The following CNTN5 variants were observed in gnomAD, a reference collection of about 807,000 sequenced individuals.
CNTN5 encodes the protein contactin 5, also known as contactin-5.
A neutral mutation model predicts 129.1 loss-of-function variants in CNTN5; 77 were observed. The observed-to-expected ratio is 0.60, with a 90% CI of 0.50 to 0.72. The LOEUF (loss-of-function observed/expected upper bound fraction) is 0.72. Ranked by LOEUF, CNTN5 falls within the 30% of genes least tolerant of loss-of-function variation. CNTN5 has a pLI of 0.00. For synonymous variants in CNTN5, 509 were observed against 465.6 expected (o/e 1.09, Z -1.20); for missense variants, 1,478 against 1,328.8 (o/e 1.11, Z -1.75).
chr11:99,965,821 C>T (rs1378767150), intron 8 of CNTN5, among the ~76,000 whole-genome samples: 1 of 152,040 alleles, frequency 6.6e-6, no homozygotes, highest in Admixed American at 6.6e-5. Flanking sequence ...TAAGGACTTG[C>T]TATTCAAAAA....
intron 2 of CNTN5, among the ~76,000 whole-genome samples, chr11:99,424,651 C>T (rs1345597436): frequency 3.3e-5 from 5 of 152,224 alleles, no homozygotes; most frequent in Admixed American, 3.3e-4. Flanking sequence ...CTTGGAGATG[C>T]CAGGAATGGC....
chr11:99,876,060 CCTG>C (rs1300330299), intron 6 of CNTN5, among the ~76,000 whole-genome samples: 2 of 152,104 alleles, frequency 1.3e-5, no homozygotes, highest in Non-Finnish European at 2.9e-5. Context: ...CATATCATCT[CCTG>C]CTGAAAGGCA....
chr11:99,587,315 TC>T (rs1949826963), intron 3 of CNTN5, among the ~76,000 whole-genome samples: 1 of 152,196 alleles, frequency 6.6e-6, no homozygotes, highest in Admixed American at 6.5e-5. Flanking sequence ...GAATGAGCTT[TC>T]TTTGGAAGAA....
intron 1 of CNTN5, among the ~76,000 whole-genome samples, chr11:99,176,064 G>T (rs1260975233): frequency 6.6e-6 from 1 of 152,110 alleles, no homozygotes; most frequent in Non-Finnish European, 1.5e-5. Context: ...CTCTTGCAAG[G>T]TTCCCACTTA....
At chr11:99,912,712 G>A (rs994182190) in intron 6 of CNTN5, among the ~76,000 whole-genome samples, 1 of 148,866 alleles carries the variant, frequency 6.7e-6, no homozygotes, top group African/African-American at 2.5e-5. Flanking sequence ...TACAGTTCTA[G>A]TTACAGCTCT....
chr11:100,145,589 C>T (rs747263535), intron 13 of CNTN5, among the ~76,000 whole-genome samples: 2 of 152,106 alleles, frequency 1.3e-5, no homozygotes, highest in Non-Finnish European at 2.9e-5. Flanking sequence ...CAATTAAGAA[C>T]TTGTATTTGC....
chr11:99,611,778 A>T (rs1950598925), intron 3 of CNTN5, among the ~76,000 whole-genome samples: 1 of 152,204 alleles, frequency 6.6e-6, no homozygotes, highest in African/African-American at 2.4e-5. Flanking sequence ...ACCAGGAAAC[A>T]AAATTACATA....
intron 1 of CNTN5, among the ~76,000 whole-genome samples, chr11:99,109,662 G>A (rs183873761): frequency 3.9e-5 from 6 of 152,114 alleles, no homozygotes; most frequent in African/African-American, 1.2e-4. Context: ...TAGAACCATC[G>A]GCATTTGAAT....
At chr11:99,861,108 A>C (rs1028686549) in intron 6 of CNTN5, among the ~76,000 whole-genome samples, 3 of 151,968 alleles carry the variant, frequency 2.0e-5, no homozygotes, top group African/African-American at 7.2e-5. Flanking sequence ...GGCGCCAACC[A>C]CCAAGCCTGG....
intron 2 of CNTN5, among the ~76,000 whole-genome samples, chr11:99,408,444 G>GAA (rs757896388): frequency 2.0e-5 from 1 of 49,898 alleles, no homozygotes; most frequent in Non-Finnish European, 3.8e-5. Flanking sequence ...AAGAAAGAAA[G>GAA]AAAGAGAAAG....
At chr11:100,303,802 G>T (rs1343629003) in intron 20 of CNTN5, among the ~76,000 whole-genome samples, 2 of 151,566 alleles carry the variant, frequency 1.3e-5, no homozygotes, top group Non-Finnish European at 3.0e-5. Flanking sequence ...GGATTTATGT[G>T]AACTTGAAAA....
intron 7 of CNTN5, among the ~76,000 whole-genome samples, chr11:99,943,913 A>C (rs1950498988): frequency 6.6e-6 from 1 of 152,100 alleles, no homozygotes; most frequent in African/African-American, 2.4e-5. Flanking sequence ...TGGTACCATT[A>C]CCATACTGTT....
Position 100,002,059 on chromosome 11 carries a change from A to T in CNTN5, c.903A>T (p.Lys301Asn), listed in dbSNP as rs751759180. Residue 301 changes from lysine to asparagine, a missense_variant, in exon 9 of 25, where the codon AAA becomes AAT. By Grantham distance (94) the Lys-to-Asn change is moderately conservative. Transcript: ENST00000524871. ...GTGTGATGGGAGAATATGAGCCGAAAATTGAGGTCCATTTTCCTTTCACGG... is the reference window on the plus strand; with the variant it reads ...GTGTGATGGGAGAATATGAGCCGAATATTGAGGTCCATTTTCCTTTCACGG... The part of the protein sequence containing the change: ...NDGVMGEYEP[K>N]IEVHFPFTVT... 2.5e-6 allele frequency: 4 copies of T among 1,598,690 alleles called. No individual in the cohort carries two copies. Among genetic ancestry groups the T allele is most frequent in the Non-Finnish European group, 3.4e-6 (4 of 1,175,448 alleles).
intron 3 of CNTN5, among the ~76,000 whole-genome samples, chr11:99,740,522 G>A (rs1326715541): frequency 6.6e-6 from 1 of 152,154 alleles, no homozygotes; most frequent in Non-Finnish European, 1.5e-5. Flanking sequence ...AATGTGGAGA[G>A]ACTGTGTGTG....
intron 2 of CNTN5, among the ~76,000 whole-genome samples, chr11:99,471,712 C>G (rs1316818664): frequency 6.6e-6 from 1 of 151,796 alleles, no homozygotes; most frequent in East Asian, 1.9e-4. Flanking sequence ...ATAGTAAGTA[C>G]CCAAGATGGG....
At chr11:99,185,250 T>C (rs974296974) in intron 1 of CNTN5, among the ~76,000 whole-genome samples, 3 of 150,572 alleles carry the variant, frequency 2.0e-5, no homozygotes, top group Middle Eastern at 3.4e-3. Context: ...ATGAGACTTA[T>C]ATGAATAGGC....
chr11:99,642,566 T>C (rs1951810337), intron 3 of CNTN5, among the ~76,000 whole-genome samples: 1 of 152,216 alleles, frequency 6.6e-6, no homozygotes, highest in Non-Finnish European at 1.5e-5. Flanking sequence ...ACAATTCAGG[T>C]AATTAGCATA....
chr11:99,292,253 T>TA (rs34354242), intron 1 of CNTN5, among the ~76,000 whole-genome samples: 91,079 of 147,500 alleles, frequency 0.62, 28,134 homozygotes, highest in East Asian at 0.74. Context: ...CTTACAAAGT[T>TA]AAAAAAAAAA....
At chr11:99,705,444 C>G (rs1357051731) in intron 3 of CNTN5, among the ~76,000 whole-genome samples, 2 of 151,304 alleles carry the variant, frequency 1.3e-5, no homozygotes, top group Non-Finnish European at 3.0e-5. Flanking sequence ...GATAAATTCA[C>G]TGATACAACT....
Sources: gnomAD v4.1 joint callset for allele counts (sites outside exome capture counted in the v4.1 genomes callset) on GRCh38, gnomAD v4.1.1 for gene constraint, MANE v1.5 for transcripts, NCBI Gene and HGNC (gene_info 2026-07-23, HGNC 2026-07-21) for gene names.